Variants in SSUH2 observed in about 807,000 individuals in gnomAD.
SSUH2 encodes ssu-2 homolog.
In SSUH2, 47 loss-of-function variants were observed where a neutral mutation model predicts 55.3. The observed-to-expected ratio is 0.85, with a 90% CI of 0.67 to 1.08. The LOEUF (loss-of-function observed/expected upper bound fraction) is 1.08. Among genes scored for constraint, SSUH2 ranks in the 50% least tolerant of loss-of-function variants. SSUH2 has a pLI of 0.00. For synonymous variants in SSUH2, 212 were observed against 191.5 expected (o/e 1.11, Z -0.89); for missense variants, 535 against 490.7 (o/e 1.09, Z -0.85).
chr3:8,641,479 G>C (rs1700832042), intron 1 of SSUH2, among the ~76,000 whole-genome samples: 1 of 152,176 alleles, frequency 6.6e-6, no homozygotes, highest in Non-Finnish European at 1.5e-5. Flanking sequence ...AGGGGACTCT[G>C]GAAACTGATT....
In SSUH2 at chr3:8,678,510, A is replaced by T. The variant is rs1430249348; in HGVS notation, c.-900-1157T>A. On this transcript the variant is annotated intron_variant, in intron 2 of 18. Transcript: ENST00000317371. Reference sequence around the variant, plus strand: ...GCAAGGGGGTGAGGCACCCCCCGCGAGGCGGGGACTGAGAGCCAGCCCCTC... The same window carrying T: ...GCAAGGGGGTGAGGCACCCCCCGCGTGGCGGGGACTGAGAGCCAGCCCCTC... Among the ~76,000 whole-genome samples the T allele has an allele frequency of 5.3e-5, 7 of 131,522 alleles. 1 individual carries two copies. Among genetic ancestry groups the T allele is most frequent in the Non-Finnish European group, 1.0e-4 (6 of 58,770 alleles). The allele number at this position is 131,522 out of a possible 152,430, so 86.3% of individuals were successfully genotyped here. A position where few individuals can be genotyped will look rare whatever the true frequency, so the allele number is the denominator to read the frequency against.
chr3:8,673,404 C>T (rs775208334), intron 3 of SSUH2, among the ~76,000 whole-genome samples: 1 of 152,100 alleles, frequency 6.6e-6, no homozygotes, highest in Non-Finnish European at 1.5e-5. Flanking sequence ...GATCCAAATG[C>T]CACTGAGAGA....
chr3:8,626,545 C>G (rs1239217815), intron 8 of SSUH2, among the ~76,000 whole-genome samples: 31 of 143,456 alleles, frequency 2.2e-4, no homozygotes, highest in African/African-American at 6.8e-4. Flanking sequence ...CTGCCCCCCC[C>G]CCTCCCCCAC....
chr3:8,655,696 T>C (rs1423772323), intron 7 of SSUH2, among the ~76,000 whole-genome samples: 1 of 152,232 alleles, frequency 6.6e-6, no homozygotes, highest in African/African-American at 2.4e-5. Flanking sequence ...CATTTTCTGA[T>C]TGACATCAAT....
chr3:8,674,188 C>A (rs1348792554), intron 3 of SSUH2, among the ~76,000 whole-genome samples: 1 of 152,204 alleles, frequency 6.6e-6, no homozygotes, highest in Non-Finnish European at 1.5e-5. Context: ...TTAGCTGCAG[C>A]AATCAGAGGG....
chr3:8,669,558 T>C (rs1191001546), intron 5 of SSUH2, among the ~76,000 whole-genome samples: 1 of 152,188 alleles, frequency 6.6e-6, no homozygotes, highest in Non-Finnish European at 1.5e-5. Context: ...CCAAAATATG[T>C]ATTATTTACA....
At chr3:8,678,672 GGGGATT>G (rs1705647880) in intron 2 of SSUH2, among the ~76,000 whole-genome samples, 1 of 51,034 alleles carries the variant, frequency 2.0e-5, no homozygotes, top group Non-Finnish European at 4.2e-5. Context: ...CCCGCGAGGC[GGGGATT>G]GAGAGCCAGC....
In SSUH2 at chr3:8,678,779, T is replaced by C. The variant is rs55811260; in HGVS notation, c.-901+926A>G. On this transcript the variant is annotated intron_variant, in intron 2 of 18. Transcript: ENST00000317371. ...GGAAAGAGAGCCAGCCCCTCTTCCCTCCCTGCCACTTAGGACCCCATCGCA... is the reference window on the plus strand; with the variant it reads ...GGAAAGAGAGCCAGCCCCTCTTCCCCCCCTGCCACTTAGGACCCCATCGCA... Among the ~76,000 whole-genome samples the C allele has an allele frequency of 1.5e-3, 122 of 80,890 alleles. 10 individuals are homozygous for C. The highest frequency in any genetic ancestry group is 2.7e-3 in the African/African-American group (61 of 22,734). The allele number at this position is 80,890 out of a possible 152,430, so 53.1% of individuals were successfully genotyped here. A position where few individuals can be genotyped will look rare whatever the true frequency, so the allele number is the denominator to read the frequency against.
chr3:8,632,168 G>T, intron 4 of SSUH2, 59 bp from the exon 5 acceptor site: 1 of 1,441,640 alleles, frequency 6.9e-7, no homozygotes, highest in Non-Finnish European at 9.8e-7. Context: ...AGAGCATTAT[G>T]CAAAAAGATG....
intron 1 of SSUH2, among the ~76,000 whole-genome samples, chr3:8,681,711 G>A (rs746364289): frequency 8.1e-5 from 12 of 148,728 alleles, no homozygotes; most frequent in South Asian, 6.4e-4. Context: ...CCATCGCAGC[G>A]GGGGGAGGCA....
chr3:8,635,630 T>A, intron 2 of SSUH2, 129 bp downstream of exon 2: 1 of 913,880 alleles, frequency 1.1e-6, no homozygotes, highest in South Asian at 1.8e-5. Context: ...CTGCCCAAGA[T>A]GAGGGGCTTC....
chr3:8,634,257 G>A (rs1193468394), intron 3 of SSUH2: 6 of 684,616 alleles, frequency 8.8e-6, no homozygotes, highest in South Asian at 1.8e-5. Context: ...CACTGGCCCA[G>A]GGCTGATGGC....
chr3:8,638,526 G>GA (rs1454281890), intron 1 of SSUH2, among the ~76,000 whole-genome samples: 1 of 152,198 alleles, frequency 6.6e-6, no homozygotes, highest in African/African-American at 2.4e-5. Context: ...AGCATGGTTA[G>GA]AAACATGGGT....
rs60486079 is a variant in SSUH2 at position 8,656,862 on chromosome 3, G to GGTTTGTTT, written c.-307+2055_-307+2062dup. Among the ~76,000 whole-genome samples the GGTTTGTTT allele has an allele frequency of 6.1e-3, 917 of 150,050 alleles. 6 individuals are homozygous for GGTTTGTTT. The highest frequency in any genetic ancestry group is 9.3e-3 in the East Asian group (46 of 4,970). ...GATTTACCACTCTGCTTCATTTTTT[G>GGTTTGTTT]GTTTGTTTGTTTGTTTGTTTGTTTG... On this transcript the variant is annotated intron_variant, in intron 7 of 18. Transcript: ENST00000317371.
rs758622462 is a variant in SSUH2 at position 8,625,538 on chromosome 3, T to A, written c.873+4A>T. On this transcript the variant is annotated splice_donor_region_variant and intron_variant, in intron 10 of 11. Transcript: ENST00000544814. The stretch of plus-strand genomic sequence containing the variant: ...CTTTGTTCCCATCTACAATGCCCTC[T>A]TACCACCGAGTTTTCATCCTTAAAG... 57 of 1,602,542 alleles carry A rather than the reference T, an allele frequency of 3.6e-5. 1 individual carries two copies. In the South Asian group the frequency reaches 6.0e-4, roughly 17 times the overall value.
intron 2 of SSUH2, 84 bp downstream of exon 2, chr3:8,635,675 G>T: frequency 1.5e-6 from 2 of 1,298,906 alleles, no homozygotes; most frequent in Non-Finnish European, 2.1e-6. Flanking sequence ...AGCTATCTCA[G>T]CACCACCTTT....
chr3:8,671,467 C>G (rs555046260), intron 4 of SSUH2, among the ~76,000 whole-genome samples: 22 of 151,982 alleles, frequency 1.4e-4, no homozygotes, highest in Admixed American at 2.0e-4. Context: ...TGACATCCCT[C>G]TAGGATATTA....
intron 1 of SSUH2, among the ~76,000 whole-genome samples, chr3:8,637,729 T>G (rs2125225989): frequency 6.6e-6 from 1 of 152,300 alleles, no homozygotes; most frequent in South Asian, 2.1e-4. Context: ...GGAGTTGACT[T>G]CAAATAGTGC....
At position 8,630,927 on chromosome 3, in the gene SSUH2, G is replaced by A; in HGVS notation, c.403C>T (p.His135Tyr). 1.4e-6 allele frequency: 2 copies of A among 1,418,836 alleles called. No homozygotes were observed. The highest frequency in any genetic ancestry group is 1.9e-6 in the Non-Finnish European group (2 of 1,080,774). The allele number at this position is 1,418,836 out of a possible 1,614,324, so 87.9% of individuals were successfully genotyped here. ...SEWTFQPFTNHSVDGPQRGAS... is the reference protein window; with the variant it reads ...SEWTFQPFTNYSVDGPQRGAS... ...CCTCTTTGCGGCCCATCCACAGAGT[G>A]GTCTGACACAGAAAGGGGTCATTGT... is the stretch of plus-strand genomic sequence containing the variant. Residue 135 changes from histidine to tyrosine, a missense_variant and splice_region_variant, in exon 6 of 12, where the codon CAC becomes TAC. Transcript: ENST00000544814.
Sources: gnomAD v4.1 joint callset for allele counts (sites outside exome capture counted in the v4.1 genomes callset) on GRCh38, gnomAD v4.1.1 for gene constraint, MANE v1.5 for transcripts, NCBI Gene and HGNC (gene_info 2026-07-23, HGNC 2026-07-21) for gene names.